Variants in MACROD2 observed in about 807,000 individuals in gnomAD.
MACROD2 encodes the protein mono-ADP ribosylhydrolase 2, also known as ADP-ribose glycohydrolase MACROD2.
Under a neutral mutation model 70.4 loss-of-function variants are expected in MACROD2, and 36 were observed. The ratio of observed to expected loss-of-function variants is 0.51; its 90% CI spans 0.39 to 0.68. MACROD2 has a LOEUF of 0.68. Ranked by LOEUF, MACROD2 falls within the 30% of genes least tolerant of loss-of-function variation. MACROD2 has a pLI of 0.00. For synonymous variants in MACROD2, 172 were observed against 178.8 expected, an observed-to-expected ratio of 0.96 and a Z score of 0.30; for missense variants, 496 against 538.4, an observed-to-expected ratio of 0.92 and a Z score of 0.78.
chr20:14,956,993 A>C (rs545045156), intron 5 of MACROD2, among the ~76,000 whole-genome samples: 2 of 152,312 alleles, frequency 1.3e-5, no homozygotes, highest in South Asian at 2.1e-4. Flanking sequence ...CTCTAAGCTA[A>C]TTACAGTGTT....
chr20:15,887,879 A>G (rs1349555426), intron 10 of MACROD2, among the ~76,000 whole-genome samples: 1 of 152,176 alleles, frequency 6.6e-6, no homozygotes, highest in Non-Finnish European at 1.5e-5. Flanking sequence ...AGACTTTGAA[A>G]TTGGTGTGTG....
At chr20:15,570,386 C>G (rs1308715055) in intron 8 of MACROD2, among the ~76,000 whole-genome samples, 1 of 152,134 alleles carries the variant, frequency 6.6e-6, no homozygotes, top group Non-Finnish European at 1.5e-5. Flanking sequence ...AATATGTACA[C>G]TGTCACAGAT....
intron 10 of MACROD2, among the ~76,000 whole-genome samples, chr20:15,918,632 G>C (rs768710227): frequency 7.2e-5 from 11 of 152,192 alleles, no homozygotes; most frequent in Non-Finnish European, 1.2e-4. Flanking sequence ...TCTGACATTA[G>C]TAATGAGATA....
intron 10 of MACROD2, among the ~76,000 whole-genome samples, chr20:15,908,107 A>G (rs1443661805): frequency 6.6e-6 from 1 of 151,842 alleles, no homozygotes; most frequent in East Asian, 2.0e-4. Flanking sequence ...TATAATAGCT[A>G]AGAGTTTTTT....
At chr20:14,834,160 T>C (rs943385317) in intron 5 of MACROD2, among the ~76,000 whole-genome samples, 9 of 151,860 alleles carry the variant, frequency 5.9e-5, no homozygotes, top group Non-Finnish European at 2.9e-5. Context: ...AATAACTGTT[T>C]AAAGGTTAGG....
rs986573733 is a variant in MACROD2 at position 15,870,163 on chromosome 20, A to G, written c.727+7337A>G. ...GAATATATCTTTCGTTTATTTTCCCAATCATGAATTTCTGCCATTTATTTC... is the reference window on the plus strand; with the variant it reads ...GAATATATCTTTCGTTTATTTTCCCGATCATGAATTTCTGCCATTTATTTC... On this transcript the variant is annotated intron_variant, in intron 9 of 17. Transcript: ENST00000684519. Among the ~76,000 whole-genome samples the G allele has an allele frequency of 6.6e-5, 10 of 151,926 alleles. No homozygotes were observed. In the East Asian group the frequency reaches 1.7e-3, roughly 26 times the overall value.
At chr20:15,898,565 A>AAC (rs1555792323) in intron 10 of MACROD2, among the ~76,000 whole-genome samples, 14 of 151,338 alleles carry the variant, frequency 9.3e-5, no homozygotes, top group Admixed American at 3.9e-4. Flanking sequence ...AAAAAAAAAA[A>AAC]AAAAACAAAT....
intron 4 of MACROD2, among the ~76,000 whole-genome samples, chr20:14,563,427 A>G (rs964680067): frequency 6.6e-6 from 1 of 152,012 alleles, no homozygotes. Flanking sequence ...ACCACTACAT[A>G]TCTATTAGAG....
intron 3 of MACROD2, among the ~76,000 whole-genome samples, chr20:14,108,844 A>G (rs1364583446): frequency 2.0e-5 from 3 of 152,094 alleles, no homozygotes; most frequent in Non-Finnish European, 4.4e-5. Context: ...CACTTTCAGC[A>G]TTGGACAGAT....
At chr20:14,483,901 G>C (rs1382124864) in intron 3 of MACROD2, among the ~76,000 whole-genome samples, 1 of 152,176 alleles carries the variant, frequency 6.6e-6, no homozygotes, top group Non-Finnish European at 1.5e-5. Context: ...CTTACCTTTA[G>C]TTGAGATAGT....
chr20:16,028,901 C>T (rs1464434164), intron 15 of MACROD2, among the ~76,000 whole-genome samples: 1 of 152,138 alleles, frequency 6.6e-6, no homozygotes, highest in African/African-American at 2.4e-5. Context: ...GAAGCATGGA[C>T]TAAGTGTAAA....
chr20:15,409,360 A>T (rs947520055), intron 6 of MACROD2, among the ~76,000 whole-genome samples: 3 of 152,224 alleles, frequency 2.0e-5, no homozygotes, highest in African/African-American at 7.2e-5. Flanking sequence ...TTGAATAGTG[A>T]TTATGTGAAG....
chr20:15,589,693 G>T (rs1354287670), intron 8 of MACROD2, among the ~76,000 whole-genome samples: 1 of 152,084 alleles, frequency 6.6e-6, no homozygotes, highest in Non-Finnish European at 1.5e-5. Flanking sequence ...CTTCCTTCCA[G>T]CAATCCCTGG....
chr20:15,402,223 G>A (rs1443924120), intron 6 of MACROD2, among the ~76,000 whole-genome samples: 3 of 152,022 alleles, frequency 2.0e-5, no homozygotes, highest in Non-Finnish European at 2.9e-5. Context: ...TTGTGCACAC[G>A]GCATTATAGA....
Position 16,052,706 on chromosome 20 carries a change from GA to G in MACROD2, c.*2834del, listed in dbSNP as rs2067474298. 1 of 152,588 alleles carries G rather than the reference GA, an allele frequency of 6.6e-6. No homozygotes were observed. Among genetic ancestry groups the G allele is most frequent in the African/African-American group, 2.4e-5 (1 of 41,444 alleles). The allele number at this position is 152,588 out of a possible 1,614,324, so 9.5% of individuals were successfully genotyped here. A position where few individuals can be genotyped will look rare whatever the true frequency, so the allele number is the denominator to read the frequency against. Reference sequence around the variant, plus strand: ...ATTGTAAATCTTTCTATGAAACACTGAAAAGCCTCTTTGTGAATTAATACAG... The same window carrying G: ...ATTGTAAATCTTTCTATGAAACACTGAAAGCCTCTTTGTGAATTAATACAG... On this transcript the variant is annotated 3_prime_UTR_variant, in exon 18 of 18. Coordinates refer to ENST00000684519, the MANE Select transcript of MACROD2 (RefSeq NM_001351661.2).
intron 5 of MACROD2, among the ~76,000 whole-genome samples, chr20:15,226,755 A>T (rs1427735459): frequency 1.3e-5 from 2 of 152,284 alleles, no homozygotes; most frequent in East Asian, 3.9e-4. Context: ...AAGGTTAGAT[A>T]TTAATAATGC....
chr20:14,483,373 T>C (rs773355759), intron 3 of MACROD2, among the ~76,000 whole-genome samples: 7 of 152,174 alleles, frequency 4.6e-5, no homozygotes, highest in Non-Finnish European at 8.8e-5. Flanking sequence ...CATATCTTTC[T>C]AGTAAGTTAA....
At chr20:15,400,531 T>G (rs73614414) in intron 6 of MACROD2, among the ~76,000 whole-genome samples, 1 of 152,130 alleles carries the variant, frequency 6.6e-6, no homozygotes, top group East Asian at 1.9e-4. Flanking sequence ...CAATGCAAAG[T>G]CAATAGATAT....
At chr20:15,853,545 A>G (rs1297744883) in intron 8 of MACROD2, among the ~76,000 whole-genome samples, 1 of 152,222 alleles carries the variant, frequency 6.6e-6, no homozygotes. Flanking sequence ...AGGAGTTGAC[A>G]TGCCTTTGCT....
Sources: gnomAD v4.1 joint callset for allele counts (sites outside exome capture counted in the v4.1 genomes callset) on GRCh38, gnomAD v4.1.1 for gene constraint, MANE v1.5 for transcripts, NCBI Gene and HGNC (gene_info 2026-07-23, HGNC 2026-07-21) for gene names.